Variants in DNAJC10 observed in about 807,000 individuals in gnomAD.
The protein encoded by DNAJC10 is DnaJ heat shock protein family (Hsp40) member C10, also known as endoplasmic reticulum disulfide reductase DNAJC10.
A neutral mutation model predicts 115.0 loss-of-function variants in DNAJC10; 101 were observed. That is an observed-to-expected ratio of 0.88 (90% CI 0.75 to 1.04). The LOEUF (loss-of-function observed/expected upper bound fraction) is 1.04, where lower values mean the gene tolerates loss of function less well. DNAJC10 is among the 50% of genes least tolerant of loss of function. The pLI, the probability that DNAJC10 is intolerant of heterozygous loss-of-function variation, is 0.00. For synonymous variants in DNAJC10, 307 were observed against 301.5 expected (o/e 1.02, Z -0.19); for missense variants, 981 against 928.8 (o/e 1.06, Z -0.73).
At chr2:182,764,008 A>G (rs1481514382) in intron 22 of DNAJC10, among the ~76,000 whole-genome samples, 4 of 152,178 alleles carry the variant, frequency 2.6e-5, no homozygotes, top group Middle Eastern at 3.2e-3. Context: ...TGCTGTGACT[A>G]TTCTTCAAGT....
Position 182,720,263 on chromosome 2 carries a change from C to T in DNAJC10, c.367+94C>T, listed in dbSNP as rs561958567. The T allele has an allele frequency of 4.0e-5, 42 of 1,044,018 alleles. No individual in the cohort carries two copies. The African/African-American group carries it at 4.0e-4, about 10-fold the overall frequency. The allele number at this position is 1,044,018 out of a possible 1,614,324, so 64.7% of individuals were successfully genotyped here. A position where few individuals can be genotyped will look rare whatever the true frequency, so the allele number is the denominator to read the frequency against. ...CCACTTAGCTTATATATTTAAGATGCGTCACTTTGATTAGCTCCTTTTAAT... is the reference window on the plus strand; with the variant it reads ...CCACTTAGCTTATATATTTAAGATGTGTCACTTTGATTAGCTCCTTTTAAT... On this transcript the variant is annotated intron_variant, in intron 4 of 23. Transcript: ENST00000264065.
chr2:182,751,352 T>G (rs1355486575), intron 14 of DNAJC10, among the ~76,000 whole-genome samples: 1 of 151,962 alleles, frequency 6.6e-6, no homozygotes, highest in Non-Finnish European at 1.5e-5. Context: ...GCCAGGATGG[T>G]CTCGATCTCT....
Position 182,717,967 on chromosome 2 carries a change from G to A in DNAJC10, c.-120G>A. ...TTAATATTTTTGGGGACAGATTTGT[G>A]ATGCTTGATTCACCCTTGAAGTAAT... On this transcript the variant is annotated 5_prime_UTR_variant, in exon 3 of 24. Coordinates refer to ENST00000264065, the MANE Select transcript of DNAJC10 (RefSeq NM_018981.4). The A allele has an allele frequency of 1.6e-6, 1 of 614,094 alleles. No individual in the cohort carries two copies. The highest frequency in any genetic ancestry group is 3.5e-5 in the Admixed American group (1 of 28,468). 38.0% of individuals were successfully genotyped at this position (614,094 alleles called of 1,614,324 possible). A position where few individuals can be genotyped will look rare whatever the true frequency, so the allele number is the denominator to read the frequency against.
intron 22 of DNAJC10, 94 bp downstream of exon 22, chr2:182,762,895 C>G: frequency 7.5e-7 from 1 of 1,326,354 alleles, no homozygotes; most frequent in South Asian, 1.6e-5. Context: ...GTTTTCTCAT[C>G]CTTGTCATTT....
rs1296509760 is a variant in DNAJC10, at chr2:182,786,109, A to G, written c.*8977A>G. On this transcript the variant is annotated 3_prime_UTR_variant, in exon 24 of 24. Coordinates refer to ENST00000264065, the MANE Select transcript of DNAJC10 (RefSeq NM_018981.4). ...TTTGCTGGAAAATGTTCCATGATAC[A>G]GTTTTAATAACAGTTTTAATTTCAG... 6.6e-6 allele frequency: 1 copy of G among 152,200 alleles called. No homozygotes were observed. Among genetic ancestry groups the G allele is most frequent in the African/African-American group, 2.4e-5 (1 of 41,454 alleles). The allele number at this position is 152,200 out of a possible 1,614,324, so 9.4% of individuals were successfully genotyped here.
At chr2:182,718,421 T>C (rs1367432886) in intron 3 of DNAJC10, 131 bp downstream of exon 3, 9 of 795,508 alleles carry the variant, frequency 1.1e-5, no homozygotes, top group Non-Finnish European at 1.7e-5. Context: ...ACTTGTATGC[T>C]AGAAACAAAA....
At chr2:182,775,135 T>C (rs1694672144) in intron 22 of DNAJC10, among the ~76,000 whole-genome samples, 181 bp from the exon 23 acceptor site, 1 of 152,116 alleles carries the variant, frequency 6.6e-6, no homozygotes. Flanking sequence ...GTATTTATTT[T>C]AGGTACATTA....
At chr2:182,716,546 G>A (rs181905969) in intron 1 of DNAJC10, 63 bp downstream of exon 1, 1 of 152,600 alleles carries the variant, frequency 6.6e-6, no homozygotes, top group East Asian at 1.9e-4. Flanking sequence ...CCTCCGGTCA[G>A]GGAGGGGCGG....
intron 10 of DNAJC10, among the ~76,000 whole-genome samples, chr2:182,733,783 A>G (rs909842054): frequency 4.9e-5 from 1 of 20,406 alleles, no homozygotes; most frequent in African/African-American, 1.9e-4. Context: ...AATCTCTCTC[A>G]GATAGATAGA....
At chr2:182,734,631 C>T (rs1355074938) in intron 10 of DNAJC10, among the ~76,000 whole-genome samples, 1 of 151,814 alleles carries the variant, frequency 6.6e-6, no homozygotes, top group Non-Finnish European at 1.5e-5. Context: ...ATTTTATTGT[C>T]TGCCTATTCT....
At chr2:182,747,584 C>A (rs1366874902) in intron 14 of DNAJC10, among the ~76,000 whole-genome samples, 1 of 151,920 alleles carries the variant, frequency 6.6e-6, no homozygotes, top group Non-Finnish European at 1.5e-5. Flanking sequence ...GATTTTGTAT[C>A]CTGAGACTTT....
chr2:182,721,674 G>A (rs866051562), intron 4 of DNAJC10, among the ~76,000 whole-genome samples: 22 of 152,152 alleles, frequency 1.4e-4, no homozygotes, highest in Middle Eastern at 3.4e-3. Flanking sequence ...ATTAGAGGAA[G>A]GTGAGTAAAA....
chr2:182,777,149 G>T lies in DNAJC10; in HGVS notation c.*17G>T. 1.4e-6 allele frequency: 2 copies of T among 1,385,108 alleles called. No homozygotes were observed. The highest frequency in any genetic ancestry group is 1.6e-5 in the South Asian group (1 of 62,698). 85.8% of individuals were successfully genotyped at this position (1,385,108 alleles called of 1,614,324 possible). On this transcript the variant is annotated 3_prime_UTR_variant, in exon 24 of 24. Coordinates refer to ENST00000264065, the MANE Select transcript of DNAJC10 (RefSeq NM_018981.4). ...GAACTTTGATAATGTTGAAGATGAAGAAAAAGTTTAAAAGAAATTCTGACA... is the reference window on the plus strand; with the variant it reads ...GAACTTTGATAATGTTGAAGATGAATAAAAAGTTTAAAAGAAATTCTGACA...
At chr2:182,771,851 T>C (rs375087800) in intron 22 of DNAJC10, among the ~76,000 whole-genome samples, 1 of 152,162 alleles carries the variant, frequency 6.6e-6, no homozygotes, top group Admixed American at 6.6e-5. Context: ...TTATTTCTTG[T>C]CTTCTGCTAG....
chr2:182,726,300 CATT>C (rs1314724727), intron 5 of DNAJC10, among the ~76,000 whole-genome samples: 1 of 152,106 alleles, frequency 6.6e-6, no homozygotes, highest in African/African-American at 2.4e-5. Context: ...ATAATTATCT[CATT>C]ATAATAATCT....
intron 22 of DNAJC10, among the ~76,000 whole-genome samples, chr2:182,773,178 G>T (rs1020347320): frequency 4.6e-5 from 7 of 152,170 alleles, no homozygotes; most frequent in Non-Finnish European, 1.0e-4. Flanking sequence ...CTCCTGGCTT[G>T]TAGGGTTTCT....
chr2:182,785,571 ACAAAT>A lies in DNAJC10; in HGVS notation c.*8443_*8447del, dbSNP rs1381939960. The A allele has an allele frequency of 1.3e-5, 2 of 151,990 alleles. No homozygotes were observed. The highest frequency in any genetic ancestry group is 2.9e-5 in the Non-Finnish European group (2 of 67,996). 9.4% of individuals were successfully genotyped at this position (151,990 alleles called of 1,614,324 possible). On this transcript the variant is annotated 3_prime_UTR_variant, in exon 24 of 24. Coordinates refer to ENST00000264065, the MANE Select transcript of DNAJC10 (RefSeq NM_018981.4). The stretch of plus-strand genomic sequence containing the variant: ...AAGATGAGGTAATGTGTTTAGAAAA[ACAAAT>A]CAATGTGCAGGCAAGAATCGGGAAT...
Position 182,728,619 on chromosome 2 carries a change from C to A in DNAJC10, c.462C>A (p.Tyr154Ter). 2 of 1,612,322 alleles carry A rather than the reference C, an allele frequency of 1.2e-6. No homozygotes were observed. The highest frequency in any genetic ancestry group is 1.7e-6 in the Non-Finnish European group (2 of 1,179,080). Residue 154 changes from tyrosine to a stop codon, truncating the protein, a stop_gained, in exon 6 of 24, where the codon TAC becomes TAA. Coordinates refer to ENST00000264065, the MANE Select transcript of DNAJC10 (RefSeq NM_018981.4). LOFTEE classifies it high-confidence loss of function. ...NSGELWFVNF[Y>*]SPGCSHCHDL... The stretch of plus-strand genomic sequence containing the variant: ...GAGAACTGTGGTTTGTAAATTTTTA[C>A]TCCCCAGGCTGTTCACACTGCCATG...
intron 3 of DNAJC10, 131 bp from the exon 4 acceptor site, chr2:182,719,876 G>T (rs1693103390): frequency 1.4e-5 from 5 of 357,644 alleles, no homozygotes; most frequent in Admixed American, 6.0e-5. Context: ...ATGTCATGTT[G>T]TATTACCCCT....
Sources: gnomAD v4.1 joint callset for allele counts (sites outside exome capture counted in the v4.1 genomes callset) on GRCh38, gnomAD v4.1.1 for gene constraint, MANE v1.5 for transcripts, NCBI Gene and HGNC (gene_info 2026-07-23, HGNC 2026-07-21) for gene names.